The following GRIK2 variants were observed in gnomAD, a reference collection of about 807,000 sequenced individuals.
GRIK2 encodes the protein glutamate receptor ionotropic, kainate 2.
Under a neutral mutation model 100.3 loss-of-function variants are expected in GRIK2, and 32 were observed. That is an observed-to-expected ratio of 0.32 (90% CI 0.24 to 0.43). GRIK2 has a LOEUF of 0.43. Among genes scored for constraint, GRIK2 ranks in the 20% least tolerant of loss-of-function variants. GRIK2 has a pLI of 1.00. For missense variants in GRIK2, 843 were observed against 1,114.9 expected (o/e 0.76, Z 3.47); for synonymous variants, 417 against 389.4 (o/e 1.07, Z -0.83).
At chr6:101,909,693 A>AAAT (rs61202841) in intron 12 of GRIK2, among the ~76,000 whole-genome samples, 126,498 of 149,922 alleles carry the variant, frequency 0.84, 53,491 homozygotes, top group East Asian at 0.93. Flanking sequence ...TTTTTGAAAA[A>AAAT]AATAATGTGT....
Position 101,393,803 on chromosome 6 carries a change from C to A in GRIK2, c.-328C>A, listed in dbSNP as rs541661808. On this transcript the variant is annotated 5_prime_UTR_variant, in exon 1 of 17. Coordinates refer to ENST00000369134, the MANE Select transcript of GRIK2 (RefSeq NM_021956.5). ...GGCTGCTCCTCCCCGAGGACCACCC[C>A]ACCCCCTCCCCGCCCACCTCACCCC... Among the ~76,000 whole-genome samples, 3 of 152,158 alleles carry A rather than the reference C, an allele frequency of 2.0e-5. No homozygotes were observed. In the East Asian group the frequency reaches 5.9e-4, roughly 30 times the overall value.
intron 14 of GRIK2, among the ~76,000 whole-genome samples, chr6:102,028,313 A>C (rs532429905): frequency 1.3e-5 from 2 of 151,342 alleles, no homozygotes; most frequent in Admixed American, 1.3e-4. Context: ...GATGTTTCAC[A>C]ATCCATGAAA....
rs1321693338 is a variant in GRIK2, at chr6:101,686,250, A to G, written c.848A>G (p.Asn283Ser). The G allele has an allele frequency of 1.9e-6, 3 of 1,612,742 alleles. No homozygotes were observed. In the African/African-American group the frequency reaches 4.0e-5, roughly 22 times the overall value. ...AACATGACAGGGTTCAGAATATTAA[A>G]TACAGAAAATACCCAAGTCTCCTCC... is the stretch of plus-strand genomic sequence containing the variant. ...GVNMTGFRIL[N>S]TENTQVSSII... The change falls in exon 7 of 17, where the codon AAT becomes AGT. Residue 283 changes from asparagine to serine, a missense_variant. Asn to Ser is a conservative substitution (Grantham distance 46). Around this residue, in one of 3 missense-constraint regions of GRIK2, gnomAD observed 519 missense variants for 643.8 expected, o/e 0.81. Transcript: ENST00000369134.
At chr6:101,439,153 G>T (rs1056035502) in intron 2 of GRIK2, among the ~76,000 whole-genome samples, 1 of 152,072 alleles carries the variant, frequency 6.6e-6, no homozygotes, top group Non-Finnish European at 1.5e-5. Flanking sequence ...TCCTAAAAGT[G>T]TATCTCATTG....
intron 11 of GRIK2, among the ~76,000 whole-genome samples, chr6:101,885,696 A>G (rs1434820949): frequency 2.6e-5 from 4 of 152,122 alleles, no homozygotes; most frequent in Non-Finnish European, 4.4e-5. Context: ...TTAACACAAT[A>G]TATCTACTAA....
rs888085360 is a variant in GRIK2 at position 101,906,053 on chromosome 6, T to C, written c.1748+16190T>C. Among the ~76,000 whole-genome samples, 4 of 151,844 alleles carry C rather than the reference T, an allele frequency of 2.6e-5. No homozygotes were observed. The East Asian group carries it at 7.7e-4, about 29-fold the overall frequency. On this transcript the variant is annotated intron_variant, in intron 12 of 16. Coordinates refer to ENST00000369134, the MANE Select transcript of GRIK2 (RefSeq NM_021956.5). ...AATATTAAAGTGCGTTTAGATATTTTATTGTATAATAAATCATATACAAAA... is the reference window on the plus strand; with the variant it reads ...AATATTAAAGTGCGTTTAGATATTTCATTGTATAATAAATCATATACAAAA...
At chr6:101,551,657 G>A (rs963318505) in intron 2 of GRIK2, among the ~76,000 whole-genome samples, 1 of 152,096 alleles carries the variant, frequency 6.6e-6, no homozygotes, top group African/African-American at 2.4e-5. Context: ...AAGCGAACAA[G>A]GAAGACAAAG....
At chr6:101,687,449 C>A (rs1168656201) in intron 7 of GRIK2, among the ~76,000 whole-genome samples, 2 of 151,902 alleles carry the variant, frequency 1.3e-5, no homozygotes, top group Non-Finnish European at 2.9e-5. Context: ...CATCCTCTAT[C>A]CTTACATGTA....
intron 9 of GRIK2, among the ~76,000 whole-genome samples, chr6:101,806,763 G>A (rs937798876): frequency 1.3e-5 from 2 of 151,606 alleles, no homozygotes; most frequent in Non-Finnish European, 2.9e-5. Flanking sequence ...CATCCTGGTA[G>A]TATCATCTTA....
At chr6:101,918,875 G>A (rs1407222698) in intron 12 of GRIK2, among the ~76,000 whole-genome samples, 2 of 151,706 alleles carry the variant, frequency 1.3e-5, no homozygotes, top group African/African-American at 2.4e-5. Context: ...AATCACATTA[G>A]TACAGCAAAA....
At chr6:101,891,676 G>A in intron 12 of GRIK2, 2 of 351,242 alleles carry the variant, frequency 5.7e-6, no homozygotes, top group Admixed American at 3.7e-5. Context: ...ATTTGCATTT[G>A]CCTAAAACTA....
At chr6:101,753,664 C>CA (rs568788273) in intron 7 of GRIK2, among the ~76,000 whole-genome samples, 8 of 150,046 alleles carry the variant, frequency 5.3e-5, no homozygotes, top group Non-Finnish European at 7.4e-5. Flanking sequence ...ATTAATATGA[C>CA]AAAAAAAGAA....
At chr6:101,457,036 T>C (rs1044013282) in intron 2 of GRIK2, among the ~76,000 whole-genome samples, 7 of 152,148 alleles carry the variant, frequency 4.6e-5, no homozygotes, top group Non-Finnish European at 8.8e-5. Flanking sequence ...TTGGATTGAT[T>C]CCTAAACAAT....
intron 13 of GRIK2, chr6:101,927,430 A>G (rs1789972188): frequency 5.8e-6 from 1 of 172,090 alleles, no homozygotes; most frequent in African/African-American, 2.4e-5. Context: ...AAAATGATTA[A>G]AAGTGAACAG....
At chr6:101,697,480 G>A (rs1772578481) in intron 7 of GRIK2, among the ~76,000 whole-genome samples, 2 of 97,440 alleles carry the variant, frequency 2.1e-5, no homozygotes, top group African/African-American at 5.7e-5. Flanking sequence ...GATTTAAAAT[G>A]TGCTATTACA....
intron 7 of GRIK2, among the ~76,000 whole-genome samples, chr6:101,788,613 T>A (rs901351101): frequency 6.6e-6 from 1 of 152,198 alleles, no homozygotes; most frequent in Non-Finnish European, 1.5e-5. Context: ...TCTATCATTG[T>A]TGGACATTTG....
At chr6:101,582,144 T>A (rs978594689) in intron 2 of GRIK2, among the ~76,000 whole-genome samples, 1 of 152,120 alleles carries the variant, frequency 6.6e-6, no homozygotes, top group African/African-American at 2.4e-5. Context: ...TAGGTATACA[T>A]GTGCCATGGT....
intron 10 of GRIK2, among the ~76,000 whole-genome samples, chr6:101,819,356 A>AAT (rs1331470753): frequency 6.6e-6 from 1 of 152,172 alleles, no homozygotes; most frequent in Admixed American, 6.6e-5. Context: ...AGCTATGAGG[A>AAT]ATATATATTC....
chr6:101,845,460 A>G (rs1783753282), intron 10 of GRIK2, among the ~76,000 whole-genome samples: 1 of 152,148 alleles, frequency 6.6e-6, no homozygotes, highest in Non-Finnish European at 1.5e-5. Flanking sequence ...AATATTTTCA[A>G]GGTTCATCCA....
Sources: gnomAD v4.1 joint callset for allele counts (sites outside exome capture counted in the v4.1 genomes callset) on GRCh38, gnomAD v4.1.1 for gene constraint, gnomAD v4.1.1 regional missense constraint, MANE v1.5 for transcripts, NCBI Gene and HGNC (gene_info 2026-07-23, HGNC 2026-07-21) for gene names.